ARHGAP39: variants seen among roughly 807,000 people sequenced by gnomAD.
ARHGAP39 encodes rho GTPase-activating protein 39.
ARHGAP39 carries 44 observed loss-of-function variants against 106.9 expected under a neutral mutation model. That is an observed-to-expected ratio of 0.41 (90% CI 0.32 to 0.53). The LOEUF (loss-of-function observed/expected upper bound fraction) is 0.53. ARHGAP39 is among the 20% of genes least tolerant of loss of function. The pLI, the probability that ARHGAP39 is intolerant of heterozygous loss-of-function variation, is 0.21. For missense variants in ARHGAP39, 1,496 were observed against 1,577.3 expected (o/e 0.95, Z 0.87); for synonymous variants, 768 against 693.2 (o/e 1.11, Z -1.69).
intron 2 of ARHGAP39, among the ~76,000 whole-genome samples, chr8:144,582,931 A>C (rs1422538178): frequency 3.3e-5 from 5 of 152,066 alleles, no homozygotes; most frequent in Non-Finnish European, 5.9e-5. Flanking sequence ...ATCTGCCAAC[A>C]ACTCCCCCCA....
chr8:144,620,872 C>T (rs1563712450), intron 1 of ARHGAP39, among the ~76,000 whole-genome samples: 3 of 152,376 alleles, frequency 2.0e-5, no homozygotes, highest in South Asian at 4.1e-4. Flanking sequence ...TGGGGCCAAG[C>T]TCCTGAGGTG....
At position 144,548,336 on chromosome 8, in the gene ARHGAP39, G is replaced by T; in HGVS notation, c.750C>A (p.His250Gln). Residue 250 changes from histidine to glutamine, a missense_variant, in exon 5 of 12, where the codon CAC (histidine) becomes CAA (glutamine). His to Gln is a conservative substitution (Grantham distance 24). Around this residue, in one of 4 missense-constraint regions of ARHGAP39, gnomAD observed 905 missense variants for 816.4 expected, o/e 1.11. Coordinates refer to ENST00000377307, the MANE Select transcript of ARHGAP39 (RefSeq NM_025251.3). The surrounding 1 kb of genome is among the most constrained non-coding windows in gnomAD (Gnocchi z 7.4). ...VRSRRPSGSQ[H>Q]SPSLQTFAPE... ...GGGCGAAGGTCTGCAGGCTGGGTGA[G>T]TGCTGGCTGCCGGAGGGTCTGCGGG... The T allele has an allele frequency of 6.2e-7, 1 of 1,607,368 alleles. No homozygotes were observed. Among genetic ancestry groups the T allele is most frequent in the Non-Finnish European group, 8.5e-7 (1 of 1,176,334 alleles).
chr8:144,654,597 G>A (rs977692007), intron 1 of ARHGAP39, among the ~76,000 whole-genome samples: 2 of 152,206 alleles, frequency 1.3e-5, no homozygotes, highest in South Asian at 4.1e-4. Flanking sequence ...GCAGGGAGGC[G>A]TGGCCAGGGC....
chr8:144,690,410 T>C (rs1256662635), upstream of ARHGAP39, among the ~76,000 whole-genome samples: 3 of 152,154 alleles, frequency 2.0e-5, no homozygotes, highest in African/African-American at 7.2e-5. Flanking sequence ...AATTGTACCA[T>C]TTTACATTCC....
chr8:144,626,933 T>C (rs1820933175), intron 1 of ARHGAP39, among the ~76,000 whole-genome samples: 1 of 152,174 alleles, frequency 6.6e-6, no homozygotes, highest in Non-Finnish European at 1.5e-5. Flanking sequence ...AAGACATCCC[T>C]GAAACTCCTG....
rs1451276033 is a variant in ARHGAP39, at chr8:144,684,800, G to A, written c.-82+886C>T. ...CAACCGGGAGGGGAAGGCTCCGAGC[G>A]CCGGAGCCCCAGCCCGCGCCTGCCG... is the stretch of plus-strand genomic sequence containing the variant. On this transcript the variant is annotated intron_variant, in intron 1 of 11. Coordinates refer to ENST00000377307, the MANE Select transcript of ARHGAP39 (RefSeq NM_025251.3). This position sits in a 1 kb window ranked among gnomAD's most constrained non-coding sequence, Gnocchi z 4.4. Among the ~76,000 whole-genome samples, 2 of 152,178 alleles carry A rather than the reference G, an allele frequency of 1.3e-5. No homozygotes were observed. The highest frequency in any genetic ancestry group is 2.9e-5 in the Non-Finnish European group (2 of 68,008).
chr8:144,538,406 T>C (rs1817052475), intron 6 of ARHGAP39, among the ~76,000 whole-genome samples: 1 of 152,180 alleles, frequency 6.6e-6, no homozygotes, highest in Non-Finnish European at 1.5e-5. Context: ...CGTGCCACAC[T>C]CTGTAGGAGG....
rs756035195 is a variant in ARHGAP39, at chr8:144,646,261, C to T, written c.-82+39425G>A. On this transcript the variant is annotated intron_variant, in intron 1 of 11. Coordinates refer to ENST00000377307, the MANE Select transcript of ARHGAP39 (RefSeq NM_025251.3). The surrounding 1 kb of genome is among the most constrained non-coding windows in gnomAD (Gnocchi z 5.7). ...CAGGGAAGAGCACGTATGGACCAGG[C>T]CAACAGGGGGCCCCAAACAGGAGTG... 2.0e-5 allele frequency among the ~76,000 whole-genome samples: 3 copies of T among 152,134 alleles called. No homozygotes were observed. Among genetic ancestry groups the T allele is most frequent in the Non-Finnish European group, 2.9e-5 (2 of 68,020 alleles).
chr8:144,682,391 T>C (rs1822448118), intron 1 of ARHGAP39, among the ~76,000 whole-genome samples: 1 of 147,016 alleles, frequency 6.8e-6, no homozygotes, highest in South Asian at 2.1e-4. Context: ...CTACTAAAAA[T>C]ACAAAAAATT....
chr8:144,642,690 A>C (rs1037856451), intron 1 of ARHGAP39, among the ~76,000 whole-genome samples: 1 of 151,960 alleles, frequency 6.6e-6, no homozygotes. Context: ...ATGAGATCCG[A>C]TGGTTTTATA....
At chr8:144,681,464 C>T (rs114836316) in intron 1 of ARHGAP39, among the ~76,000 whole-genome samples, 3,727 of 152,230 alleles carry the variant, frequency 0.024, 147 homozygotes, top group African/African-American at 0.085. Flanking sequence ...AGGTCTATGA[C>T]GCAGGACCTT....
At position 144,530,696 on chromosome 8, in the gene ARHGAP39, A is replaced by G; in HGVS notation, c.3150+6T>C. On this transcript the variant is annotated splice_donor_region_variant and intron_variant, in intron 11 of 11. Transcript: ENST00000377307. Reference sequence around the variant, plus strand: ...AAGCAGCGGGGACCCCCGGGGAGGGAAGTACCTGCAGGAAGCGGATGAGGT... The same window carrying G: ...AAGCAGCGGGGACCCCCGGGGAGGGGAGTACCTGCAGGAAGCGGATGAGGT... The G allele has an allele frequency of 1.3e-6, 2 of 1,590,308 alleles. No homozygotes were observed. The highest frequency in any genetic ancestry group is 8.6e-7 in the Non-Finnish European group (1 of 1,166,934).
chr8:144,680,214 G>T (rs200502757), intron 1 of ARHGAP39, among the ~76,000 whole-genome samples: 2 of 152,082 alleles, frequency 1.3e-5, no homozygotes, highest in African/African-American at 4.8e-5. Flanking sequence ...AGACCACCTC[G>T]TCTTGAAGCC....
intron 1 of ARHGAP39, among the ~76,000 whole-genome samples, chr8:144,672,159 A>G (rs551502090): frequency 5.9e-5 from 9 of 152,370 alleles, no homozygotes; most frequent in Admixed American, 5.9e-4. Context: ...AGCCGCAATT[A>G]AATAGAAACA....
Position 144,534,220 on chromosome 8 carries a change from CT to C in ARHGAP39, c.2615-19del. ...CGCCACCCCTGGAAAGGAAAGGGGC[CT>C]GATCAGCCTGATGTGGGTGTGTGGG... On this transcript the variant is annotated intron_variant, in intron 7 of 11. Coordinates refer to ENST00000377307, the MANE Select transcript of ARHGAP39 (RefSeq NM_025251.3). The C allele has an allele frequency of 6.2e-7, 1 of 1,613,034 alleles. No homozygotes were observed. The highest frequency in any genetic ancestry group is 8.5e-7 in the Non-Finnish European group (1 of 1,179,588).
rs1439012060 is a variant in ARHGAP39 at position 144,548,568 on chromosome 8, G to A, written c.597-79C>T. ...CGCCCCACCCCCTCGGGGGCTGTAG[G>A]CAGCGGCTCCCGCGAACCCTCTGTT... On this transcript the variant is annotated intron_variant, in intron 4 of 11. Coordinates refer to ENST00000377307, the MANE Select transcript of ARHGAP39 (RefSeq NM_025251.3). The surrounding 1 kb of genome is among the most constrained non-coding windows in gnomAD (Gnocchi z 7.4). 6.0e-6 allele frequency: 9 copies of A among 1,511,714 alleles called. No homozygotes were observed. The highest frequency in any genetic ancestry group is 8.0e-6 in the Non-Finnish European group (9 of 1,132,054). The allele number at this position is 1,511,714 out of a possible 1,614,324, so 93.6% of individuals were successfully genotyped here. A position where few individuals can be genotyped will look rare whatever the true frequency, so the allele number is the denominator to read the frequency against.
At chr8:144,678,419 G>A (rs975027517) in intron 1 of ARHGAP39, among the ~76,000 whole-genome samples, 2 of 152,186 alleles carry the variant, frequency 1.3e-5, no homozygotes, top group African/African-American at 2.4e-5. Flanking sequence ...ACAAGGCAGC[G>A]ATCCAGGAGG....
At chr8:144,583,222 G>T (rs1462823205) in intron 2 of ARHGAP39, among the ~76,000 whole-genome samples, 1 of 151,606 alleles carries the variant, frequency 6.6e-6, no homozygotes, top group Non-Finnish European at 1.5e-5. Context: ...TTTCAGTCCC[G>T]AGGGAGCTGT....
At position 144,559,354 on chromosome 8, in the gene ARHGAP39, C is replaced by CAAAA. The variant is rs59435627; in HGVS notation, c.513-3715_513-3712dup. 5.8e-4 allele frequency among the ~76,000 whole-genome samples: 25 copies of CAAAA among 42,932 alleles called. 3 individuals carry two copies. The highest frequency in any genetic ancestry group is 2.5e-3 in the African/African-American group (22 of 8,832). The allele number at this position is 42,932 out of a possible 152,430, so 28.2% of individuals were successfully genotyped here. On this transcript the variant is annotated intron_variant, in intron 3 of 11. Coordinates refer to ENST00000377307, the MANE Select transcript of ARHGAP39 (RefSeq NM_025251.3). ...CCGGGTGACAGAGTGACTTTGTCTC[C>CAAAA]AAAAAAAAAAAAAAAAAAAAAAAAA... is the stretch of plus-strand genomic sequence containing the variant.
Sources: allele counts gnomAD v4.1 joint callset (sites outside exome capture counted in the v4.1 genomes callset), GRCh38; gene constraint gnomAD v4.1.1; regional missense constraint gnomAD v4.1.1; non-coding constraint Gnocchi (gnomAD v3.1); transcripts MANE v1.5; gene names NCBI Gene and HGNC (gene_info 2026-07-23, HGNC 2026-07-21).